Variants in CSMD1 observed in about 807,000 individuals in gnomAD.
CSMD1 encodes the protein CUB and sushi domain-containing protein 1.
Under a neutral mutation model 417.5 loss-of-function variants are expected in CSMD1, and 213 were observed. That is an observed-to-expected ratio of 0.51 (90% CI 0.46 to 0.57). CSMD1 has a LOEUF of 0.57. CSMD1 is among the 20% of genes least tolerant of loss of function. The probability of loss-of-function intolerance (pLI) is 0.00; values close to 1 mark genes in which losing one functional copy is unlikely to be tolerated. For missense variants in CSMD1, 6,923 were observed against 4,529.7 expected (o/e 1.53, Z -15.17); for synonymous variants, 2,862 against 1,736.8 (o/e 1.65, Z -16.11).
chr8:4,456,746 T>C lies in CSMD1; in HGVS notation c.303-36681A>G, dbSNP rs946298337. ...GCTGCATCAGTCCTTACTGTCTAGT[T>C]GCTAGATCCTAGGGAGAAGACCCAT... On this transcript the variant is annotated intron_variant, in intron 2 of 69. Coordinates refer to ENST00000635120, the MANE Select transcript of CSMD1 (RefSeq NM_033225.6). Among the ~76,000 whole-genome samples, 4 of 152,212 alleles carry C rather than the reference T, an allele frequency of 2.6e-5. No homozygotes were observed. In the East Asian group the frequency reaches 7.8e-4, roughly 30 times the overall value.
In CSMD1 at chr8:4,278,291, A is replaced by C. The variant is rs552208246; in HGVS notation, c.415+141662T>G. On this transcript the variant is annotated intron_variant, in intron 3 of 69. Transcript: ENST00000635120. ...AATGGATGGAGTGTAAAGTTCAAGG[A>C]GGTTAAAAACACAGCGGTAGTGCTG... 8.5e-5 allele frequency among the ~76,000 whole-genome samples: 13 copies of C among 152,274 alleles called. No homozygotes were observed. In the South Asian group the frequency reaches 2.5e-3, roughly 29 times the overall value.
At chr8:3,310,705 G>C (rs565500931) in intron 23 of CSMD1, among the ~76,000 whole-genome samples, 4 of 151,528 alleles carry the variant, frequency 2.6e-5, no homozygotes, top group South Asian at 2.1e-4. Flanking sequence ...TGAGGGGTGA[G>C]GGCCGCCCAT....
intron 3 of CSMD1, among the ~76,000 whole-genome samples, chr8:4,080,675 T>G (rs1198908415): frequency 6.6e-6 from 1 of 152,204 alleles, no homozygotes; most frequent in African/African-American, 2.4e-5. Context: ...ACAGAATCAC[T>G]GAAAATGGGT....
At chr8:3,845,061 C>G (rs1021877012) in intron 5 of CSMD1, among the ~76,000 whole-genome samples, 6 of 152,114 alleles carry the variant, frequency 3.9e-5, no homozygotes, top group African/African-American at 1.2e-4. Context: ...TGTGATTAGA[C>G]TTTCATATTA....
intron 3 of CSMD1, among the ~76,000 whole-genome samples, chr8:4,087,292 T>C (rs1182903745): frequency 6.6e-6 from 1 of 152,110 alleles, no homozygotes; most frequent in East Asian, 1.9e-4. Flanking sequence ...TCCTTCCTTC[T>C]CCTTCCTGCA....
intron 3 of CSMD1, among the ~76,000 whole-genome samples, chr8:4,296,735 T>C (rs914071672): frequency 2.2e-5 from 3 of 138,306 alleles, no homozygotes; most frequent in Middle Eastern, 3.7e-3. Flanking sequence ...TTACACTCTA[T>C]TGGGTATATT....
chr8:3,630,428 A>T (rs917390476), intron 7 of CSMD1, among the ~76,000 whole-genome samples: 1 of 152,240 alleles, frequency 6.6e-6, no homozygotes, highest in African/African-American at 2.4e-5. Context: ...AATTGGCCCA[A>T]ACCACTGAAA....
intron 2 of CSMD1, among the ~76,000 whole-genome samples, chr8:4,436,598 G>A (rs1798163167): frequency 2.0e-5 from 3 of 152,090 alleles, no homozygotes; most frequent in Non-Finnish European, 4.4e-5. Context: ...CCATCCTGCT[G>A]TGCAAGCAAA....
At chr8:3,229,284 G>A (rs1160475931) in intron 27 of CSMD1, among the ~76,000 whole-genome samples, 1 of 152,134 alleles carries the variant, frequency 6.6e-6, no homozygotes, top group African/African-American at 2.4e-5. Flanking sequence ...ATTAAACTGT[G>A]ACAGTTACTT....
At chr8:3,723,979 A>G (rs1479677461) in intron 6 of CSMD1, among the ~76,000 whole-genome samples, 1 of 113,860 alleles carries the variant, frequency 8.8e-6, no homozygotes, top group East Asian at 2.1e-4. Context: ...TGTGTGAAAG[A>G]AAAATGTCCA....
chr8:4,541,732 CTAAATAAA>C (rs922656439), intron 2 of CSMD1, among the ~76,000 whole-genome samples: 14 of 151,880 alleles, frequency 9.2e-5, no homozygotes, highest in African/African-American at 3.4e-4. Flanking sequence ...GAGACCCTGT[CTAAATAAA>C]TAAATAAATA....
intron 7 of CSMD1, among the ~76,000 whole-genome samples, chr8:3,692,000 A>G (rs1367873100): frequency 6.6e-6 from 1 of 152,138 alleles, no homozygotes; most frequent in Non-Finnish European, 1.5e-5. Context: ...ATGAGACAGG[A>G]TGCTGGGCAT....
At chr8:4,592,923 G>A (rs1800064034) in intron 2 of CSMD1, among the ~76,000 whole-genome samples, 1 of 151,994 alleles carries the variant, frequency 6.6e-6, no homozygotes, top group South Asian at 2.1e-4. Context: ...TTTCGAATCA[G>A]CATTTATTTA....
At chr8:3,239,968 G>C (rs138775471) in intron 26 of CSMD1, among the ~76,000 whole-genome samples, 21,136 of 147,432 alleles carry the variant, frequency 0.14, 2,013 homozygotes, top group Admixed American at 0.2. Flanking sequence ...CCGGGGAGCA[G>C]AAAGTATATG....
rs184586161 is a variant in CSMD1, at chr8:4,284,463, C to G, written c.415+135490G>C. Among the ~76,000 whole-genome samples the G allele has an allele frequency of 7.9e-3, 1,205 of 151,914 alleles. 24 individuals carry two copies. The highest frequency in any genetic ancestry group is 0.028 in the African/African-American group (1,146 of 41,438). On this transcript the variant is annotated intron_variant, in intron 3 of 69. Transcript: ENST00000635120. ...TCCACTCCGTGTTCCCTCCCCGTCA[C>G]CATGTGGCTTTCTGTTTCCACATGT...
chr8:3,584,782 T>C (rs921756961), intron 9 of CSMD1, among the ~76,000 whole-genome samples: 10 of 152,142 alleles, frequency 6.6e-5, no homozygotes, highest in African/African-American at 2.2e-4. Flanking sequence ...AAGAAAACTA[T>C]TGAAGGATTT....
intron 5 of CSMD1, among the ~76,000 whole-genome samples, chr8:3,770,947 G>T (rs978965654): frequency 6.6e-6 from 1 of 152,022 alleles, no homozygotes; most frequent in African/African-American, 2.4e-5. Context: ...GAATTCAATA[G>T]GAGGTAAGCA....
chr8:3,285,616 C>G (rs1489161595), intron 25 of CSMD1, among the ~76,000 whole-genome samples: 2 of 151,916 alleles, frequency 1.3e-5, no homozygotes, highest in African/African-American at 2.4e-5. Flanking sequence ...CCAGGCTGGT[C>G]TTGAACTCCT....
At chr8:4,980,400 G>A (rs1386761069) in intron 1 of CSMD1, among the ~76,000 whole-genome samples, 1 of 152,178 alleles carries the variant, frequency 6.6e-6, no homozygotes, top group Non-Finnish European at 1.5e-5. Flanking sequence ...AGATGGAGAG[G>A]CAGGTCTGGT....
Sources: allele counts gnomAD v4.1 joint callset (sites outside exome capture counted in the v4.1 genomes callset), GRCh38; gene constraint gnomAD v4.1.1; transcripts MANE v1.5; gene names NCBI Gene and HGNC (gene_info 2026-07-23, HGNC 2026-07-21).